The following ANGPT4 variants were observed in gnomAD, a reference collection of about 807,000 sequenced individuals.
ANGPT4 encodes angiopoietin 4.
Under a neutral mutation model 53.0 loss-of-function variants are expected in ANGPT4, and 50 were observed. The ratio of observed to expected loss-of-function variants is 0.94; its 90% confidence interval spans 0.75 to 1.20. ANGPT4 has a LOEUF of 1.20. Ranked by LOEUF, ANGPT4 falls within the 50% of genes most tolerant of loss-of-function variation. The probability of loss-of-function intolerance (pLI) is 0.00; values close to 1 mark genes in which losing one functional copy is unlikely to be tolerated. For synonymous variants in ANGPT4, 251 were observed against 259.7 expected, an observed-to-expected ratio of 0.97 and a Z score of 0.32; for missense variants, 648 against 637.1, an observed-to-expected ratio of 1.02 and a Z score of -0.18.
intron 1 of ANGPT4, among the ~76,000 whole-genome samples, chr20:902,255 G>C (rs1360154398): frequency 6.6e-6 from 1 of 151,952 alleles, no homozygotes; most frequent in Non-Finnish European, 1.5e-5. Flanking sequence ...TTAACAACTA[G>C]TATATAAACA....
chr20:892,629 C>T (rs932125310), intron 1 of ANGPT4, among the ~76,000 whole-genome samples: 12 of 151,310 alleles, frequency 7.9e-5, no homozygotes, highest in Admixed American at 2.6e-4. Flanking sequence ...ATAAATATAG[C>T]CCATAGTGCT....
intron 4 of ANGPT4, among the ~76,000 whole-genome samples, chr20:882,674 G>A (rs1474270361): frequency 6.6e-6 from 1 of 152,216 alleles, no homozygotes; most frequent in Non-Finnish European, 1.5e-5. Flanking sequence ...TGGCCTCAAG[G>A]TGAGCAGGGA....
At chr20:907,711 C>A (rs575315929) in intron 1 of ANGPT4, among the ~76,000 whole-genome samples, 2 of 152,166 alleles carry the variant, frequency 1.3e-5, no homozygotes, top group Admixed American at 6.5e-5. Context: ...CAGGTGTAAC[C>A]AGGCGGTGCT....
At chr20:896,511 G>A (rs1223760438) in intron 1 of ANGPT4, among the ~76,000 whole-genome samples, 2 of 152,186 alleles carry the variant, frequency 1.3e-5, no homozygotes, top group East Asian at 3.9e-4. Context: ...GTGGGAGCGT[G>A]TCTGGTATTT....
rs145865328 is a variant in ANGPT4 at position 874,393 on chromosome 20, G to A, written c.1242C>T (p.Ser414=). Residue 414 remains serine (S), a synonymous_variant, in exon 8 of 9, where the codon AGC becomes AGT. Coordinates refer to ENST00000381922, the MANE Select transcript of ANGPT4 (RefSeq NM_015985.4). Reference sequence around the variant, plus strand: ...GGCTGCTCTGGCGCCCTGCTGAGCCGCTGTACCCGACCACAGAAAGCCTGG... The same window carrying A: ...GGCTGCTCTGGCGCCCTGCTGAGCCACTGTACCCGACCACAGAAAGCCTGG... ...QLYRLSVVGY[S]GSAGRQSSLV... 46 of 1,613,678 alleles carry A rather than the reference G, an allele frequency of 2.9e-5. No homozygotes were observed. The highest frequency in any genetic ancestry group is 8.8e-5 in the South Asian group (8 of 91,056).
chr20:885,347 G>C (rs1266814571), intron 3 of ANGPT4, 22 bp from the exon 4 acceptor site: 1 of 1,554,422 alleles, frequency 6.4e-7, no homozygotes, highest in Admixed American at 1.8e-5. Context: ...GGGGCGCACA[G>C]AGGTGAGCCT....
chr20:895,237 A>G (rs577969823), intron 1 of ANGPT4, among the ~76,000 whole-genome samples: 1 of 152,308 alleles, frequency 6.6e-6, no homozygotes, highest in East Asian at 1.9e-4. Flanking sequence ...CTCCAGGATT[A>G]GACCTGCCCC....
Position 916,254 on chromosome 20 carries a change from C to T in ANGPT4, c.-40G>A, listed in dbSNP as rs933436193. ...ATGGCGAGGGATGTCTGCTCAGAGC[C>T]CTAGGGGCTGTGCCTGGGATGTCCT... is the stretch of plus-strand genomic sequence containing the variant. On this transcript the variant is annotated 5_prime_UTR_variant, in exon 1 of 9. Transcript: ENST00000381922. The T allele has an allele frequency of 6.3e-7, 1 of 1,578,916 alleles. No homozygotes were observed. The highest frequency in any genetic ancestry group is 8.6e-7 in the Non-Finnish European group (1 of 1,158,780).
intron 1 of ANGPT4, among the ~76,000 whole-genome samples, chr20:906,761 C>A (rs1221964623): frequency 6.6e-6 from 1 of 152,206 alleles, no homozygotes; most frequent in Non-Finnish European, 1.5e-5. Flanking sequence ...CCTGTCTGAG[C>A]AGCTGGGCCC....
chr20:899,243 G>A (rs1055588101), intron 1 of ANGPT4, among the ~76,000 whole-genome samples: 1 of 144,108 alleles, frequency 6.9e-6, no homozygotes, highest in Non-Finnish European at 1.5e-5. Flanking sequence ...GGTGCCAACT[G>A]GGACAAAATT....
chr20:885,342 G>T lies in ANGPT4; in HGVS notation c.588-17C>A. On this transcript the variant is annotated splice_polypyrimidine_tract_variant and intron_variant, in intron 3 of 8. Coordinates refer to ENST00000381922, the MANE Select transcript of ANGPT4 (RefSeq NM_015985.4). ...TCGAGCGCGCTGCGGGGTAGGGGGC[G>T]CACAGAGGTGAGCCTGGCATCCTCG... The T allele has an allele frequency of 7.7e-6, 12 of 1,562,204 alleles. No homozygotes were observed. The highest frequency in any genetic ancestry group is 9.5e-6 in the Non-Finnish European group (11 of 1,160,308).
intron 1 of ANGPT4, among the ~76,000 whole-genome samples, chr20:902,771 G>C (rs1982336341): frequency 6.6e-6 from 1 of 152,140 alleles, no homozygotes; most frequent in African/African-American, 2.4e-5. Context: ...TACAGGAAAG[G>C]TTAAGACCCC....
intron 2 of ANGPT4, 38 bp downstream of exon 2, chr20:890,175 C>A (rs754684824): frequency 1.3e-6 from 2 of 1,599,204 alleles, no homozygotes; most frequent in Non-Finnish European, 1.7e-6. Flanking sequence ...CCTGGCCAGC[C>A]ACAGGCCCTC....
At chr20:909,712 G>A (rs2122132962) in intron 1 of ANGPT4, among the ~76,000 whole-genome samples, 1 of 152,320 alleles carries the variant, frequency 6.6e-6, no homozygotes, top group African/African-American at 2.4e-5. Context: ...AAAAGCAATG[G>A]TCTGAGAAGG....
At chr20:899,738 G>A (rs1247038413) in intron 1 of ANGPT4, among the ~76,000 whole-genome samples, 1 of 151,862 alleles carries the variant, frequency 6.6e-6, no homozygotes, top group African/African-American at 2.4e-5. Flanking sequence ...TCCTCAATAC[G>A]CCCCTCCACA....
rs114023547 is a variant in ANGPT4 at position 899,008 on chromosome 20, A to T, written c.310-8640T>A. ...ACTCCTTCCCAGATCTTCTCTTCTT[A>T]GCTGCTGAAGACTGACACTGCCTGA... On this transcript the variant is annotated intron_variant, in intron 1 of 8. Coordinates refer to ENST00000381922, the MANE Select transcript of ANGPT4 (RefSeq NM_015985.4). Among the ~76,000 whole-genome samples the T allele has an allele frequency of 3.0e-3, 453 of 152,286 alleles. 2 individuals carry two copies. The highest frequency in any genetic ancestry group is 0.011 in the African/African-American group (441 of 41,556).
rs757231623 is a variant in ANGPT4 at position 888,427 on chromosome 20, T to C, written c.478A>G (p.Thr160Ala). 5.6e-6 allele frequency: 9 copies of C among 1,612,668 alleles called. No homozygotes were observed. The highest frequency in any genetic ancestry group is 3.3e-5 in the South Asian group (3 of 91,066). The change falls in exon 3 of 9, where the codon ACA becomes GCA. Residue 160 changes from threonine (T) to alanine (A), a missense_variant. Transcript: ENST00000381922. ...TDMEAQLLNQ[T>A]SRMDAQMPET... The stretch of plus-strand genomic sequence containing the variant: ...GGCATCTGGGCATCCATTCTTGATG[T>C]CTGGTTCAGGAGCTGCCCCAGCAAG...
At chr20:879,921 T>G in intron 5 of ANGPT4, 73 bp from the exon 6 acceptor site, 1 of 1,165,838 alleles carries the variant, frequency 8.6e-7, no homozygotes, top group Non-Finnish European at 1.2e-6. Context: ...CTAGCCCAAA[T>G]GTGGCTAAGC....
At chr20:915,856 C>T (rs1420403082) in intron 1 of ANGPT4, 50 bp downstream of exon 1, 2 of 1,519,816 alleles carry the variant, frequency 1.3e-6, no homozygotes, top group Admixed American at 4.2e-5. Context: ...CTGATTGTGA[C>T]AGACCCCAAA....
Sources: gnomAD v4.1 joint callset for allele counts (sites outside exome capture counted in the v4.1 genomes callset) on GRCh38, gnomAD v4.1.1 for gene constraint, MANE v1.5 for transcripts, NCBI Gene and HGNC (gene_info 2026-07-23, HGNC 2026-07-21) for gene names.